PAK3: variants seen among roughly 807,000 people sequenced by gnomAD.
PAK3 encodes p21 (RAC1) activated kinase 3, also known as serine/threonine-protein kinase PAK 3.
Under a neutral mutation model 41.0 loss-of-function variants are expected in PAK3, and 4 were observed. That is an observed-to-expected ratio of 0.10 (90% CI 0.05 to 0.22). The LOEUF (loss-of-function observed/expected upper bound fraction) is 0.22, where lower values mean the gene tolerates loss of function less well. Among genes scored for constraint, PAK3 ranks in the 10% least tolerant of loss-of-function variants. The pLI is 1.00. For synonymous variants in PAK3, 146 were observed against 139.6 expected, an observed-to-expected ratio of 1.05 and a Z score of -0.32; for missense variants, 205 against 409.9, an observed-to-expected ratio of 0.50 and a Z score of 4.32.
In PAK3 at chrX:111,019,301, A is replaced by G. The variant is rs762242900; in HGVS notation, c.-28+74673A>G. Among the ~76,000 whole-genome samples the G allele has an allele frequency of 1.1e-3, 127 of 110,977 alleles. 1 individual carries two copies. The highest frequency in any genetic ancestry group is 4.1e-3 in the African/African-American group (124 of 30,547). On this transcript the variant is annotated intron_variant, in intron 1 of 14. Coordinates refer to the PAK3 transcript ENST00000425146. Reference sequence around the variant, plus strand: ...AAAGACAATATCAGAGTGAAAAGGCATCCTACAGAATGAGAGAAAGTATTT... The same window carrying G: ...AAAGACAATATCAGAGTGAAAAGGCGTCCTACAGAATGAGAGAAAGTATTT...
chrX:111,209,150 C>T (rs2094790510), intron 16 of PAK3, among the ~76,000 whole-genome samples: 1 of 111,120 alleles, frequency 9.0e-6, no homozygotes, highest in African/African-American at 3.3e-5. Context: ...CCTTGAAAAG[C>T]CCTTGTCTGC....
intron 1 of PAK3, among the ~76,000 whole-genome samples, chrX:110,946,752 C>G (rs191130723): frequency 8.9e-6 from 1 of 112,256 alleles, no homozygotes; most frequent in East Asian, 2.8e-4. Context: ...TTAATAAATA[C>G]TAAAAGAAAA....
At chrX:111,046,065 C>T (rs1320854837) in intron 1 of PAK3, among the ~76,000 whole-genome samples, 2 of 111,422 alleles carry the variant, frequency 1.8e-5, no homozygotes, top group Admixed American at 1.9e-4. Flanking sequence ...TAACTGGGAG[C>T]GAGAGGAGAG....
intron 1 of PAK3, among the ~76,000 whole-genome samples, chrX:110,985,795 G>A (rs953290950): frequency 1.4e-4 from 16 of 112,331 alleles, no homozygotes; most frequent in African/African-American, 5.2e-4. Context: ...ATTTGATGAT[G>A]AGCAAACTGA....
At chrX:111,036,558 A>G (rs1416491120) in intron 1 of PAK3, among the ~76,000 whole-genome samples, 1 of 111,928 alleles carries the variant, frequency 8.9e-6, no homozygotes, top group Non-Finnish European at 1.9e-5. Context: ...AGAACAGCAT[A>G]GGGGAAACTG....
At chrX:111,148,522 G>A (rs757833857) in intron 7 of PAK3, among the ~76,000 whole-genome samples, 1 of 111,672 alleles carries the variant, frequency 9.0e-6, no homozygotes, top group Non-Finnish European at 1.9e-5. Context: ...ACATGTCCAA[G>A]ACTGGGAAGA....
At chrX:111,019,699 AAAAAG>A (rs1182065850) in intron 1 of PAK3, among the ~76,000 whole-genome samples, 2 of 41,876 alleles carry the variant, frequency 4.8e-5, no homozygotes, top group African/African-American at 6.6e-5. Flanking sequence ...CCAAAAAAAA[AAAAAG>A]AAAGAAAGAA....
intron 1 of PAK3, among the ~76,000 whole-genome samples, chrX:111,042,429 TGAAATA>T (rs2148773068): frequency 8.9e-6 from 1 of 111,955 alleles, no homozygotes; most frequent in Admixed American, 9.4e-5. Context: ...GGCCTCTTGC[TGAAATA>T]GTTAATTTCA....
intron 4 of PAK3, among the ~76,000 whole-genome samples, chrX:111,112,472 A>T (rs1250154837): frequency 9.1e-6 from 1 of 109,867 alleles, no homozygotes; most frequent in African/African-American, 3.3e-5. Flanking sequence ...GGCGGGGTCA[A>T]CTTTGTTCAT....
At chrX:111,204,850 A>G (rs865864523) in intron 16 of PAK3, among the ~76,000 whole-genome samples, 1 of 34,945 alleles carries the variant, frequency 2.9e-5, no homozygotes, top group African/African-American at 1.1e-4. Flanking sequence ...CTTTTGCTTT[A>G]TTTTTCTTTT....
chrX:110,961,179 C>A (rs975065874), intron 1 of PAK3, among the ~76,000 whole-genome samples: 1 of 111,195 alleles, frequency 9.0e-6, no homozygotes, highest in African/African-American at 3.3e-5. Context: ...TCTTAATGAT[C>A]CCCAAGTGAT....
In PAK3 at chrX:111,221,763, G is replaced by C. The variant is rs2094929161; in HGVS notation, c.*1316G>C. On this transcript the variant is annotated 3_prime_UTR_variant, in exon 18 of 18. Coordinates refer to ENST00000372007, the MANE Select transcript of PAK3 (RefSeq NM_002578.5). ...CTATGTATCACCTATTTCTGTTTCG[G>C]AATATGGTGTGTTCATGCTTAGTTC... 1 of 111,309 alleles carries C rather than the reference G, an allele frequency of 9.0e-6. No homozygotes were observed. The highest frequency in any genetic ancestry group is 9.5e-5 in the Admixed American group (1 of 10,479). The allele number at this position is 111,309 out of a possible 1,213,427, so 9.2% of individuals were successfully genotyped here.
chrX:111,178,917 AT>A (rs1269054698), intron 11 of PAK3, among the ~76,000 whole-genome samples: 1 of 106,929 alleles, frequency 9.4e-6, no homozygotes, highest in Non-Finnish European at 1.9e-5. Flanking sequence ...CAATAAGATA[AT>A]TTTAAAAAGT....
intron 1 of PAK3, among the ~76,000 whole-genome samples, chrX:111,051,103 C>T (rs757698834): frequency 9.0e-6 from 1 of 110,961 alleles, no homozygotes; most frequent in Non-Finnish European, 1.9e-5. Flanking sequence ...TTTGGGTGGT[C>T]ACAGTGGGCT....
chrX:111,047,161 G>T (rs1195385460), intron 1 of PAK3, among the ~76,000 whole-genome samples: 1 of 112,271 alleles, frequency 8.9e-6, no homozygotes, highest in East Asian at 2.8e-4. Flanking sequence ...GGAAGCTGCA[G>T]AGTTATAGCA....
chrX:110,965,660 T>C (rs1477938114), intron 1 of PAK3, among the ~76,000 whole-genome samples: 1 of 112,455 alleles, frequency 8.9e-6, no homozygotes, highest in African/African-American at 3.2e-5. Flanking sequence ...TATTCAAGCT[T>C]CAGTTTTGTC....
At chrX:110,994,863 T>C (rs1050577341) in intron 1 of PAK3, among the ~76,000 whole-genome samples, 11 of 111,887 alleles carry the variant, frequency 9.8e-5, no homozygotes, top group Non-Finnish European at 1.7e-4. Flanking sequence ...GTGCCTGGCT[T>C]AACAAACGTT....
At chrX:111,019,937 G>A (rs1234450535) in intron 1 of PAK3, among the ~76,000 whole-genome samples, 1 of 111,317 alleles carries the variant, frequency 9.0e-6, no homozygotes, top group Non-Finnish European at 1.9e-5. Flanking sequence ...CCAGGATGTG[G>A]AGAAATAGGA....
intron 1 of PAK3, among the ~76,000 whole-genome samples, chrX:110,994,348 G>C (rs755532889): frequency 9.0e-6 from 1 of 111,608 alleles, no homozygotes; most frequent in Non-Finnish European, 1.9e-5. Flanking sequence ...CCCTACTTTC[G>C]AGTGTGTTTA....
Sources: gnomAD v4.1 joint callset for allele counts (sites outside exome capture counted in the v4.1 genomes callset) on GRCh38, gnomAD v4.1.1 for gene constraint, MANE v1.5 for transcripts, NCBI Gene and HGNC (gene_info 2026-07-23, HGNC 2026-07-21) for gene names.